The following SYT14 variants were observed in gnomAD, a reference collection of about 807,000 sequenced individuals.
SYT14 encodes synaptotagmin-14.
In SYT14, 32 loss-of-function variants were observed where a neutral mutation model predicts 74.2. The observed-to-expected ratio is 0.43, with a 90% CI of 0.33 to 0.58. The LOEUF is 0.58. Ranked by LOEUF, SYT14 falls within the 20% of genes least tolerant of loss-of-function variation. The pLI is 0.05. For synonymous variants in SYT14, 298 were observed against 337.7 expected, an observed-to-expected ratio of 0.88 and a Z score of 1.29; for missense variants, 791 against 981.8, an observed-to-expected ratio of 0.81 and a Z score of 2.60.
intron 5 of SYT14, among the ~76,000 whole-genome samples, chr1:210,066,061 A>C (rs367972711): frequency 5.3e-5 from 8 of 151,326 alleles, no homozygotes; most frequent in Admixed American, 1.3e-4. Flanking sequence ...TGAACTCATC[A>C]TTTTTTATGG....
At chr1:210,151,085 CAG>C (rs1336135572) in intron 7 of SYT14, among the ~76,000 whole-genome samples, 6 of 152,162 alleles carry the variant, frequency 3.9e-5, no homozygotes, top group African/African-American at 9.6e-5. Flanking sequence ...GCAGAAGACT[CAG>C]GGGGAAGGAG....
chr1:209,989,399 T>G (rs1455455129), intron 2 of SYT14, among the ~76,000 whole-genome samples: 2 of 152,212 alleles, frequency 1.3e-5, no homozygotes, highest in East Asian at 3.8e-4. Flanking sequence ...TTGGACAATG[T>G]AGGTTTATGA....
At chr1:210,121,226 G>A (rs867724011) in intron 7 of SYT14, among the ~76,000 whole-genome samples, 2 of 152,136 alleles carry the variant, frequency 1.3e-5, no homozygotes, top group Non-Finnish European at 2.9e-5. Flanking sequence ...CAAAGAGTGG[G>A]AACTTGCTAA....
At chr1:210,063,294 T>G (rs2102417146) in intron 5 of SYT14, among the ~76,000 whole-genome samples, 1 of 151,902 alleles carries the variant, frequency 6.6e-6, no homozygotes, top group East Asian at 1.9e-4. Context: ...TTGCTGCCAT[T>G]TATCACTATG....
intron 2 of SYT14, among the ~76,000 whole-genome samples, chr1:209,978,987 C>T (rs574142274): frequency 1.1e-4 from 17 of 152,312 alleles, no homozygotes; most frequent in Non-Finnish European, 1.5e-4. Flanking sequence ...GCTCCGTGGG[C>T]GTAGGACCCT....
At chr1:209,975,145 A>T (rs2079335686) in intron 2 of SYT14, among the ~76,000 whole-genome samples, 1 of 152,220 alleles carries the variant, frequency 6.6e-6, no homozygotes, top group Non-Finnish European at 1.5e-5. Context: ...ATATACAATC[A>T]CGTCATATGC....
At chr1:210,137,298 C>T (rs1472775431) in intron 7 of SYT14, among the ~76,000 whole-genome samples, 2 of 152,068 alleles carry the variant, frequency 1.3e-5, no homozygotes, top group African/African-American at 4.8e-5. Context: ...AGTTACCATA[C>T]CCCCACCAAA....
At position 209,978,859 on chromosome 1, in the gene SYT14, C is replaced by T. The variant is rs534721416; in HGVS notation, c.-486+26103C>T. ...GAGCTGTGCTGGGCTCCACCCAGTT[C>T]GAGCTTCCAGGCCCCTTTGTTTACC... On this transcript the variant is annotated intron_variant, in intron 2 of 9. Coordinates refer to ENST00000637265, the Ensembl canonical transcript of SYT14. 1.5e-3 allele frequency among the ~76,000 whole-genome samples: 230 copies of T among 152,336 alleles called. 10 individuals are homozygous for T. In the South Asian group the frequency reaches 0.046, roughly 30 times the overall value.
intron 5 of SYT14, among the ~76,000 whole-genome samples, chr1:210,069,464 G>A (rs2081354776): frequency 6.6e-6 from 1 of 151,828 alleles, no homozygotes; most frequent in African/African-American, 2.4e-5. Context: ...GTGTTATAAG[G>A]GACTTACATG....
chr1:210,055,838 A>G (rs2081086192), intron 5 of SYT14, among the ~76,000 whole-genome samples: 1 of 151,992 alleles, frequency 6.6e-6, no homozygotes, highest in Non-Finnish European at 1.5e-5. Flanking sequence ...GTTATTGGTT[A>G]TATATCAACT....
chr1:210,080,129 T>C (rs1046294750), intron 5 of SYT14, among the ~76,000 whole-genome samples: 21 of 152,324 alleles, frequency 1.4e-4, no homozygotes, highest in African/African-American at 4.1e-4. Context: ...AATTGCTGCA[T>C]TATTTAGGAT....
chr1:210,006,141 C>A (rs1021156678), intron 2 of SYT14, among the ~76,000 whole-genome samples: 1 of 151,910 alleles, frequency 6.6e-6, no homozygotes, highest in Admixed American at 6.6e-5. Context: ...TTAAGTTACT[C>A]ACCAGTGAAT....
chr1:210,083,321 A>G (rs999975555), intron 5 of SYT14, among the ~76,000 whole-genome samples: 4 of 152,224 alleles, frequency 2.6e-5, no homozygotes, highest in African/African-American at 9.6e-5. Context: ...CCATCAGGAA[A>G]ATAAATTAAT....
chr1:210,078,297 G>A (rs1424572846), intron 5 of SYT14, among the ~76,000 whole-genome samples: 8 of 111,126 alleles, frequency 7.2e-5, no homozygotes, highest in Admixed American at 2.3e-4. Context: ...GCGACAGAGC[G>A]AGACTCCGTC....
rs575372734 is a variant in SYT14, at chr1:210,049,443, T to A, written c.1312+28189T>A. ...TTTTGATTTTTTTTCTTTTTTTTTT[T>A]AAATTATACTTTAAGTCCTGGGATA... On this transcript the variant is annotated intron_variant, in intron 5 of 9. Coordinates refer to ENST00000637265, the Ensembl canonical transcript of SYT14. 3.4e-4 allele frequency among the ~76,000 whole-genome samples: 52 copies of A among 152,070 alleles called. No homozygotes were observed. In the East Asian group the frequency reaches 4.3e-3, roughly 12 times the overall value.
intron 5 of SYT14, among the ~76,000 whole-genome samples, chr1:210,092,788 G>A (rs972939294): frequency 2.6e-5 from 4 of 152,078 alleles, no homozygotes; most frequent in African/African-American, 4.8e-5. Flanking sequence ...AACCTCAGAT[G>A]GAAAATATTT....
chr1:210,162,759 T>TA (rs1286143177), exon 10 of SYT14: 12 of 445,810 alleles, frequency 2.7e-5, no homozygotes, highest in Non-Finnish European at 5.3e-5. Flanking sequence ...GACCGTGAAC[T>TA]TCTGTATTTT....
intron 7 of SYT14, among the ~76,000 whole-genome samples, chr1:210,116,621 A>G (rs2082366736): frequency 1.3e-5 from 2 of 152,248 alleles, no homozygotes; most frequent in African/African-American, 2.4e-5. Flanking sequence ...TATTGGGATT[A>G]CAGGCATGAG....
chr1:210,099,934 G>C (rs2082031005), intron 6 of SYT14, 78 bp from the exon 6 acceptor site: 1 of 1,324,576 alleles, frequency 7.5e-7, no homozygotes, highest in South Asian at 1.3e-5. Flanking sequence ...ATCTTCTAAA[G>C]AAATATCAAG....
Sources: allele counts gnomAD v4.1 joint callset (sites outside exome capture counted in the v4.1 genomes callset), GRCh38; gene constraint gnomAD v4.1.1; transcripts MANE v1.5; gene names NCBI Gene and HGNC (gene_info 2026-07-23, HGNC 2026-07-21).